The following ATXN7L1 variants were observed in gnomAD, a reference collection of about 807,000 sequenced individuals.
ATXN7L1 encodes the protein ataxin-7-like protein 1.
ATXN7L1 carries 15 observed loss-of-function variants against 70.8 expected under a neutral mutation model. The observed-to-expected ratio is 0.21, with a 90% confidence interval of 0.14 to 0.33. The LOEUF is 0.33. ATXN7L1 is among the 10% of genes least tolerant of loss of function. The pLI is 1.00. For synonymous variants in ATXN7L1, 440 were observed against 445.1 expected (o/e 0.99, Z 0.14); for missense variants, 975 against 1,097.1 (o/e 0.89, Z 1.57).
At chr7:105,670,376 T>C (rs537654163) in intron 3 of ATXN7L1, among the ~76,000 whole-genome samples, 109 of 152,324 alleles carry the variant, frequency 7.2e-4, no homozygotes, top group African/African-American at 2.5e-3. Flanking sequence ...CAGAAAGAAT[T>C]TGTAGTACAT....
intron 3 of ATXN7L1, among the ~76,000 whole-genome samples, chr7:105,666,219 G>C (rs1156669550): frequency 6.6e-6 from 1 of 152,156 alleles, no homozygotes; most frequent in Non-Finnish European, 1.5e-5. Flanking sequence ...TTACAGGAAG[G>C]AATCCCAAAC....
At chr7:105,649,343 G>C in intron 4 of ATXN7L1, 1 of 985,638 alleles carries the variant, frequency 1.0e-6, no homozygotes, top group Non-Finnish European at 1.2e-6. Context: ...TCGGTCCTGG[G>C]AAAGAAACCC....
At position 105,697,281 on chromosome 7, in the gene ATXN7L1, G is replaced by A. The variant is rs1287958467; in HGVS notation, c.356-31993C>T. Among the ~76,000 whole-genome samples the A allele has an allele frequency of 2.0e-5, 3 of 152,316 alleles. No homozygotes were observed. The East Asian group carries it at 5.8e-4, about 29-fold the overall frequency. ...GGAGACTGGAGTCTATCTCACCGCTGCAATCTCGACCATAAGAGACAGGTA... is the reference window on the plus strand; with the variant it reads ...GGAGACTGGAGTCTATCTCACCGCTACAATCTCGACCATAAGAGACAGGTA... On this transcript the variant is annotated intron_variant, in intron 3 of 11. Transcript: ENST00000419735.
intron 3 of ATXN7L1, among the ~76,000 whole-genome samples, chr7:105,737,541 G>A (rs1364648798): frequency 2.3e-5 from 1 of 42,880 alleles, no homozygotes; most frequent in Non-Finnish European, 3.5e-5. Context: ...GTGTGTGTGT[G>A]TGTGTGTGTG....
intron 3 of ATXN7L1, among the ~76,000 whole-genome samples, chr7:105,728,062 T>C (rs374055476): frequency 6.6e-6 from 1 of 151,972 alleles, no homozygotes; most frequent in East Asian, 1.9e-4. Flanking sequence ...CTTCTCATGG[T>C]AGTTGTTCTT....
chr7:105,855,601 A>G (rs1815612299), intron 2 of ATXN7L1, among the ~76,000 whole-genome samples: 1 of 152,246 alleles, frequency 6.6e-6, no homozygotes, highest in African/African-American at 2.4e-5. Flanking sequence ...TGATTATCAA[A>G]ATTTAAGAAA....
At chr7:105,675,629 A>G (rs1804524056) in intron 3 of ATXN7L1, among the ~76,000 whole-genome samples, 1 of 152,172 alleles carries the variant, frequency 6.6e-6, no homozygotes, top group South Asian at 2.1e-4. Flanking sequence ...ATCTCAAAAA[A>G]AAGAAAAAAA....
chr7:105,689,572 A>T (rs2116190291), intron 3 of ATXN7L1, among the ~76,000 whole-genome samples: 1 of 152,308 alleles, frequency 6.6e-6, no homozygotes, highest in African/African-American at 2.4e-5. Flanking sequence ...GCTGAGATGC[A>T]TACAAACCAA....
intron 3 of ATXN7L1, among the ~76,000 whole-genome samples, chr7:105,718,462 A>G (rs1794817298): frequency 6.6e-6 from 1 of 152,228 alleles, no homozygotes; most frequent in South Asian, 2.1e-4. Flanking sequence ...AGGAAGCCAC[A>G]ACACAGCAGT....
At chr7:105,635,313 T>A (rs953701194) in intron 7 of ATXN7L1, among the ~76,000 whole-genome samples, 6 of 152,174 alleles carry the variant, frequency 3.9e-5, no homozygotes, top group African/African-American at 1.4e-4. Flanking sequence ...TGGAGGCGAA[T>A]AAACTGAACA....
intron 3 of ATXN7L1, among the ~76,000 whole-genome samples, chr7:105,666,439 G>A (rs892973306): frequency 2.0e-5 from 3 of 152,354 alleles, no homozygotes; most frequent in Non-Finnish European, 2.9e-5. Flanking sequence ...GCCCAAAGCT[G>A]AGCCTAGGCT....
At chr7:105,848,391 T>C (rs1814380305) in intron 2 of ATXN7L1, among the ~76,000 whole-genome samples, 2 of 152,204 alleles carry the variant, frequency 1.3e-5, no homozygotes, top group African/African-American at 2.4e-5. Flanking sequence ...TAAGAATTTA[T>C]GCTTTAGAAA....
At chr7:105,706,260 C>G (rs1793147350) in intron 3 of ATXN7L1, among the ~76,000 whole-genome samples, 1 of 148,290 alleles carries the variant, frequency 6.7e-6, no homozygotes, top group Non-Finnish European at 1.5e-5. Flanking sequence ...GTGGCACTAT[C>G]TCAGCCCACT....
intron 4 of ATXN7L1, chr7:105,649,588 T>A (rs1488660572): frequency 4.0e-6 from 4 of 987,768 alleles, no homozygotes; most frequent in Non-Finnish European, 4.8e-6. Context: ...TGGAGACTCA[T>A]GACGGTGCCA....
chr7:105,607,807 G>C lies in ATXN7L1; in HGVS notation c.*45C>G. On this transcript the variant is annotated 3_prime_UTR_variant, in exon 12 of 12. Transcript: ENST00000419735. The stretch of plus-strand genomic sequence containing the variant: ...TCCTCCCCATGGCCTCCTCGGATGG[G>C]ATTAGGTGGCCTGGAATTGATGTGG... The C allele has an allele frequency of 4.6e-6, 7 of 1,528,720 alleles. No individual in the cohort carries two copies. The highest frequency in any genetic ancestry group is 6.2e-6 in the Non-Finnish European group (7 of 1,125,784). 94.7% of individuals were successfully genotyped at this position (1,528,720 alleles called of 1,614,324 possible).
chr7:105,836,026 G>C (rs541689598), intron 2 of ATXN7L1, among the ~76,000 whole-genome samples: 1 of 152,158 alleles, frequency 6.6e-6, no homozygotes. Flanking sequence ...TTGCTCTGAG[G>C]TGAAATGTCC....
intron 3 of ATXN7L1, among the ~76,000 whole-genome samples, chr7:105,686,265 C>G (rs1021315769): frequency 3.9e-5 from 6 of 152,170 alleles, no homozygotes; most frequent in Non-Finnish European, 5.9e-5. Flanking sequence ...CCTGTAATCC[C>G]AGCACTTTGG....
chr7:105,669,919 CAAAAAAA>C (rs756313448), intron 3 of ATXN7L1, among the ~76,000 whole-genome samples: 1 of 71,280 alleles, frequency 1.4e-5, no homozygotes. Flanking sequence ...AACTCCATCT[CAAAAAAA>C]AAAAAAAAAA....
intron 3 of ATXN7L1, among the ~76,000 whole-genome samples, chr7:105,706,085 G>T (rs1793121297): frequency 6.6e-6 from 1 of 152,246 alleles, no homozygotes; most frequent in Admixed American, 6.5e-5. Context: ...TCAGTGGGCA[G>T]CAGTCTGCAG....
Sources: allele counts gnomAD v4.1 joint callset (sites outside exome capture counted in the v4.1 genomes callset), GRCh38; gene constraint gnomAD v4.1.1; transcripts MANE v1.5; gene names NCBI Gene and HGNC (gene_info 2026-07-23, HGNC 2026-07-21).